The following LRMDA variants were observed in gnomAD, a reference collection of about 807,000 sequenced individuals.
LRMDA encodes leucine-rich melanocyte differentiation-associated protein.
LRMDA carries 18 observed loss-of-function variants against 29.8 expected under a neutral mutation model. The observed-to-expected ratio is 0.60, with a 90% CI of 0.42 to 0.90. LRMDA has a LOEUF of 0.90. LRMDA is among the 40% of genes least tolerant of loss of function. The probability of loss-of-function intolerance (pLI) is 0.00; values close to 1 mark genes in which losing one functional copy is unlikely to be tolerated. For missense variants in LRMDA, 273 were observed against 273.9 expected (o/e 1.00, Z 0.02); for synonymous variants, 125 against 109.4 (o/e 1.14, Z -0.89).
intron 2 of LRMDA, among the ~76,000 whole-genome samples, chr10:75,480,062 A>G (rs12782837): frequency 3.3e-4 from 1 of 3,018 alleles, no homozygotes; most frequent in African/African-American, 2.9e-3. Flanking sequence ...AAAAGCAGGC[A>G]GCATCTCTGT....
chr10:76,110,528 C>A (rs985311207), intron 5 of LRMDA, among the ~76,000 whole-genome samples: 9 of 152,238 alleles, frequency 5.9e-5, no homozygotes, highest in African/African-American at 2.2e-4. Flanking sequence ...TGGCCCCACC[C>A]AAATCTCAAC....
chr10:75,681,795 C>T (rs1388199001), intron 2 of LRMDA, among the ~76,000 whole-genome samples: 3 of 152,200 alleles, frequency 2.0e-5, no homozygotes, highest in African/African-American at 4.8e-5. Flanking sequence ...CAATATGGGC[C>T]TTCTGGCCCT....
At chr10:76,237,110 G>A (rs1431467609) in intron 5 of LRMDA, among the ~76,000 whole-genome samples, 1 of 152,146 alleles carries the variant, frequency 6.6e-6, no homozygotes, top group Non-Finnish European at 1.5e-5. Context: ...CTTGAGTCTT[G>A]GAGTTGGAGA....
intron 5 of LRMDA, among the ~76,000 whole-genome samples, chr10:76,240,705 T>C (rs1013192756): frequency 2.6e-5 from 4 of 151,022 alleles, no homozygotes; most frequent in Admixed American, 2.0e-4. Context: ...AACTTGCAAT[T>C]GCATAATATG....
At chr10:75,984,643 G>A (rs1429184973) in intron 2 of LRMDA, among the ~76,000 whole-genome samples, 1 of 152,262 alleles carries the variant, frequency 6.6e-6, no homozygotes, top group African/African-American at 2.4e-5. Flanking sequence ...ATCAGCGCAT[G>A]TCACAGCCAG....
chr10:76,222,200 T>G (rs573574310), intron 5 of LRMDA, among the ~76,000 whole-genome samples: 8 of 152,268 alleles, frequency 5.3e-5, no homozygotes, highest in Non-Finnish European at 1.0e-4. Flanking sequence ...ATTCAGGACA[T>G]AGGCATGGGC....
intron 6 of LRMDA, among the ~76,000 whole-genome samples, chr10:76,537,607 G>A (rs1017485349): frequency 1.8e-4 from 28 of 152,230 alleles, no homozygotes; most frequent in Non-Finnish European, 2.8e-4. Context: ...ACACTGCACC[G>A]CTCTGACGGC....
intron 2 of LRMDA, among the ~76,000 whole-genome samples, chr10:75,923,654 C>T (rs769935476): frequency 6.6e-5 from 10 of 152,224 alleles, no homozygotes; most frequent in African/African-American, 2.2e-4. Flanking sequence ...TAGATCAATG[C>T]CATTTTTTAT....
chr10:76,550,654 TC>T (rs1469876606), intron 6 of LRMDA, among the ~76,000 whole-genome samples: 1 of 152,112 alleles, frequency 6.6e-6, no homozygotes, highest in African/African-American at 2.4e-5. Context: ...ACTTTTTTTT[TC>T]CTTCTCCACC....
At chr10:75,826,611 G>A (rs1844250644) in intron 2 of LRMDA, among the ~76,000 whole-genome samples, 1 of 152,172 alleles carries the variant, frequency 6.6e-6, no homozygotes, top group African/African-American at 2.4e-5. Flanking sequence ...AGTGATAGCA[G>A]CAGTTTTATA....
chr10:75,742,144 T>C (rs1011366939), intron 2 of LRMDA, among the ~76,000 whole-genome samples: 1 of 152,202 alleles, frequency 6.6e-6, no homozygotes, highest in African/African-American at 2.4e-5. Context: ...ACGTGCATTA[T>C]AGGCAGGAAG....
intron 5 of LRMDA, among the ~76,000 whole-genome samples, chr10:76,241,796 T>C (rs563341914): frequency 1.3e-5 from 2 of 152,234 alleles, no homozygotes; most frequent in South Asian, 4.2e-4. Context: ...GGTATGCCTG[T>C]AGTACAGAGA....
At chr10:75,553,959 T>C (rs1840184540) in intron 2 of LRMDA, among the ~76,000 whole-genome samples, 1 of 152,178 alleles carries the variant, frequency 6.6e-6, no homozygotes, top group Non-Finnish European at 1.5e-5. Context: ...ATATCCAACA[T>C]TAAAAAATTT....
At chr10:76,172,375 C>T (rs1225304832) in intron 5 of LRMDA, among the ~76,000 whole-genome samples, 2 of 152,328 alleles carry the variant, frequency 1.3e-5, no homozygotes, top group South Asian at 2.1e-4. Context: ...ATTGCTCCAG[C>T]CCACCATCTA....
intron 2 of LRMDA, among the ~76,000 whole-genome samples, chr10:75,652,340 T>C (rs1051922598): frequency 2.6e-5 from 4 of 152,180 alleles, no homozygotes; most frequent in African/African-American, 9.7e-5. Flanking sequence ...GGCAAATGGA[T>C]GGGGATGTGT....
intron 2 of LRMDA, among the ~76,000 whole-genome samples, chr10:75,867,226 A>G (rs1248295611): frequency 6.6e-6 from 1 of 151,964 alleles, no homozygotes. Context: ...GCAGTGGTGC[A>G]ATCTCAGCTC....
chr10:75,930,080 C>G (rs936148654), intron 2 of LRMDA, among the ~76,000 whole-genome samples: 7 of 152,176 alleles, frequency 4.6e-5, no homozygotes, highest in African/African-American at 1.7e-4. Context: ...TGCTGAGAGG[C>G]TTTTATTCTG....
At chr10:76,494,103 T>A (rs1307272219) in intron 6 of LRMDA, among the ~76,000 whole-genome samples, 1 of 152,020 alleles carries the variant, frequency 6.6e-6, no homozygotes, top group Non-Finnish European at 1.5e-5. Context: ...TAGCTGATCA[T>A]GTCTTTTGCA....
At chr10:75,683,740 C>A (rs115807901) in intron 2 of LRMDA, among the ~76,000 whole-genome samples, 2 of 152,182 alleles carry the variant, frequency 1.3e-5, no homozygotes, top group East Asian at 3.9e-4. Flanking sequence ...AGGAGATCTG[C>A]TCTGGATAGC....
Sources: allele counts gnomAD v4.1 joint callset (sites outside exome capture counted in the v4.1 genomes callset), GRCh38; gene constraint gnomAD v4.1.1; transcripts MANE v1.5; gene names NCBI Gene and HGNC (gene_info 2026-07-23, HGNC 2026-07-21).